The following ZNF618 variants were observed in gnomAD, a reference collection of about 807,000 sequenced individuals.
The protein encoded by ZNF618 is zinc finger protein 618.
A neutral mutation model predicts 103.0 loss-of-function variants in ZNF618; 34 were observed. The ratio of observed to expected loss-of-function variants is 0.33; its 90% CI spans 0.25 to 0.44. The LOEUF (loss-of-function observed/expected upper bound fraction) is 0.44, where lower values mean the gene tolerates loss of function less well. Ranked by LOEUF, ZNF618 falls within the 20% of genes least tolerant of loss-of-function variation. The pLI, the probability that ZNF618 is intolerant of heterozygous loss-of-function variation, is 1.00. For missense variants in ZNF618, 1,059 were observed against 1,295.4 expected (o/e 0.82, Z 2.80); for synonymous variants, 551 against 542.2 (o/e 1.02, Z -0.23).
At chr9:113,884,136 C>T (rs1210335960) in intron 1 of ZNF618, among the ~76,000 whole-genome samples, 5 of 152,006 alleles carry the variant, frequency 3.3e-5, no homozygotes, top group East Asian at 1.9e-4. Flanking sequence ...GCAAGTAGCC[C>T]GTGGGAGGGA....
At position 114,008,568 on chromosome 9, in the gene ZNF618, C is replaced by T. The variant is rs1390147066; in HGVS notation, c.754+14C>T. On this transcript the variant is annotated intron_variant, in intron 9 of 14. Coordinates refer to ENST00000374126, the MANE Select transcript of ZNF618 (RefSeq NM_001318042.2). ...AAATCGGGCCAAGTATGCGGGATTC[C>T]CTCTGGGGCCAAGGGCTGGGTGGGG... 6.2e-7 allele frequency: 1 copy of T among 1,613,398 alleles called. No homozygotes were observed. Among genetic ancestry groups the T allele is most frequent in the East Asian group, 2.2e-5 (1 of 44,852 alleles).
intron 1 of ZNF618, among the ~76,000 whole-genome samples, chr9:113,964,823 T>C (rs896502750): frequency 6.6e-6 from 1 of 150,788 alleles, no homozygotes; most frequent in Non-Finnish European, 1.5e-5. Context: ...GCACTAAATG[T>C]GACCTCCATA....
Position 114,053,057 on chromosome 9 carries a change from A to G in ZNF618, c.*2890A>G, listed in dbSNP as rs1385110360. 6.6e-6 allele frequency: 1 copy of G among 152,426 alleles called. No homozygotes were observed. The highest frequency in any genetic ancestry group is 1.9e-4 in the East Asian group (1 of 5,202). 9.4% of individuals were successfully genotyped at this position (152,426 alleles called of 1,614,324 possible). On this transcript the variant is annotated 3_prime_UTR_variant, in exon 15 of 15. Coordinates refer to ENST00000374126, the MANE Select transcript of ZNF618 (RefSeq NM_001318042.2). ...AAGATAGCAGATGATTGTTTCTTGCAACCTCTGGTTCCCTCCGGAAACTGG... is the reference window on the plus strand; with the variant it reads ...AAGATAGCAGATGATTGTTTCTTGCGACCTCTGGTTCCCTCCGGAAACTGG...
chr9:113,885,524 C>T (rs747254289), intron 1 of ZNF618, among the ~76,000 whole-genome samples: 10 of 152,018 alleles, frequency 6.6e-5, no homozygotes, highest in Non-Finnish European at 1.2e-4. Flanking sequence ...TTTTGCCAGC[C>T]CAGGGTTCAG....
chr9:113,919,062 A>G (rs1326295818), intron 1 of ZNF618, among the ~76,000 whole-genome samples: 1 of 152,130 alleles, frequency 6.6e-6, no homozygotes, highest in Non-Finnish European at 1.5e-5. Flanking sequence ...TCATCTCCTC[A>G]CGTTTTGTCC....
intron 1 of ZNF618, among the ~76,000 whole-genome samples, chr9:113,958,867 C>T (rs1836563129): frequency 6.6e-6 from 1 of 152,218 alleles, no homozygotes; most frequent in Non-Finnish European, 1.5e-5. Context: ...ACCAGCAGCC[C>T]ATCGGAGGAC....
intron 1 of ZNF618, among the ~76,000 whole-genome samples, chr9:113,917,768 G>T (rs1832261412): frequency 6.6e-6 from 1 of 152,056 alleles, no homozygotes; most frequent in Non-Finnish European, 1.5e-5. Context: ...AAAAAACTTT[G>T]ATTTCGAAAG....
In ZNF618 at chr9:113,960,124, G is replaced by A. The variant is rs112769793; in HGVS notation, c.34-8993G>A. On this transcript the variant is annotated intron_variant, in intron 1 of 14. Coordinates refer to ENST00000374126, the MANE Select transcript of ZNF618 (RefSeq NM_001318042.2). ...TTCACAGAGCAACTAATATGTGCCG[G>A]CGTCTTGCTGGGTGTTTTCCTCACA... Among the ~76,000 whole-genome samples the A allele has an allele frequency of 3.3e-3, 499 of 152,342 alleles. 3 individuals carry two copies. Among genetic ancestry groups the A allele is most frequent in the African/African-American group, 0.012 (485 of 41,566 alleles).
chr9:113,986,076 C>CA (rs1839446478), intron 2 of ZNF618, among the ~76,000 whole-genome samples: 1 of 152,164 alleles, frequency 6.6e-6, no homozygotes, highest in African/African-American at 2.4e-5. Flanking sequence ...CCCTGGGTGC[C>CA]AAAGAAGCTC....
At chr9:113,885,400 C>T (rs1343724452) in intron 1 of ZNF618, among the ~76,000 whole-genome samples, 1 of 152,156 alleles carries the variant, frequency 6.6e-6, no homozygotes, top group Non-Finnish European at 1.5e-5. Context: ...ATACACGTTA[C>T]TTTTTATAAC....
intron 13 of ZNF618, among the ~76,000 whole-genome samples, chr9:114,045,357 C>T (rs773850736): frequency 1.3e-4 from 19 of 151,892 alleles, no homozygotes; most frequent in Non-Finnish European, 1.9e-4. Flanking sequence ...TTAGCTCTTA[C>T]GTTTAGGTCT....
intron 1 of ZNF618, among the ~76,000 whole-genome samples, chr9:113,967,867 T>C (rs1237031953): frequency 6.6e-6 from 1 of 152,162 alleles, no homozygotes; most frequent in East Asian, 1.9e-4. Context: ...CCTGTCACCA[T>C]GTAGGACTAG....
At chr9:114,002,560 T>C in intron 5 of ZNF618, 64 bp from the exon 6 acceptor site, 2 of 1,497,870 alleles carry the variant, frequency 1.3e-6, no homozygotes. Flanking sequence ...TCTTTTGCAC[T>C]TGGCACTGGC....
intron 1 of ZNF618, among the ~76,000 whole-genome samples, chr9:113,934,784 G>A (rs1833893259): frequency 1.3e-5 from 2 of 152,250 alleles, no homozygotes; most frequent in Non-Finnish European, 2.9e-5. Flanking sequence ...GTGACTCGAG[G>A]CAGACGTGTG....
intron 1 of ZNF618, among the ~76,000 whole-genome samples, chr9:113,958,640 T>C (rs1836541990): frequency 6.6e-6 from 1 of 152,230 alleles, no homozygotes. Context: ...CAGCGTCCCA[T>C]TCACACGTTT....
intron 1 of ZNF618, among the ~76,000 whole-genome samples, chr9:113,923,242 TTTTTG>T (rs563910418): frequency 4.6e-5 from 7 of 152,196 alleles, no homozygotes; most frequent in African/African-American, 1.4e-4. Flanking sequence ...AAAGAAATTT[TTTTTG>T]TTTTGTTTTG....
At chr9:113,983,554 G>A (rs1488818646) in intron 2 of ZNF618, among the ~76,000 whole-genome samples, 1 of 152,174 alleles carries the variant, frequency 6.6e-6, no homozygotes, top group Non-Finnish European at 1.5e-5. Flanking sequence ...AATCTGGCTG[G>A]TCACGCAGCT....
At chr9:113,887,872 G>A (rs1196859226) in intron 1 of ZNF618, among the ~76,000 whole-genome samples, 4 of 152,196 alleles carry the variant, frequency 2.6e-5, no homozygotes, top group Non-Finnish European at 5.9e-5. Context: ...TTCAAGGACT[G>A]AAGTTTAGCA....
intron 13 of ZNF618, among the ~76,000 whole-genome samples, chr9:114,039,186 A>AG (rs1844897587): frequency 6.6e-6 from 1 of 152,140 alleles, no homozygotes; most frequent in African/African-American, 2.4e-5. Context: ...GCCCTCTCAG[A>AG]GGTCATCTCT....
Sources: gnomAD v4.1 joint callset for allele counts (sites outside exome capture counted in the v4.1 genomes callset) on GRCh38, gnomAD v4.1.1 for gene constraint, MANE v1.5 for transcripts, NCBI Gene and HGNC (gene_info 2026-07-23, HGNC 2026-07-21) for gene names.